The following SS18L1 variants were observed in gnomAD, a reference collection of about 807,000 sequenced individuals.
The protein encoded by SS18L1 is calcium-responsive transactivator.
In SS18L1, 32 loss-of-function variants were observed where a neutral mutation model predicts 70.3. The ratio of observed to expected loss-of-function variants is 0.46; its 90% CI spans 0.34 to 0.61. The LOEUF is 0.61. Among genes scored for constraint, SS18L1 ranks in the 20% least tolerant of loss-of-function variants. SS18L1 has a pLI of 0.01. For synonymous variants in SS18L1, 237 were observed against 229.7 expected, an observed-to-expected ratio of 1.03 and a Z score of -0.29; for missense variants, 430 against 542.1, an observed-to-expected ratio of 0.79 and a Z score of 2.05.
In SS18L1 at chr20:62,158,811, C is replaced by A; in HGVS notation, c.146+63C>A. The A allele has an allele frequency of 6.2e-7, 1 of 1,612,424 alleles. No individual in the cohort carries two copies. Among genetic ancestry groups the A allele is most frequent in the Non-Finnish European group, 8.5e-7 (1 of 1,179,686 alleles). ...TCATGCAGAGTCTAAGCACAGAGGC[C>A]AGATACGTCCCAAGAGTCCCCCAGC... On this transcript the variant is annotated intron_variant, in intron 2 of 10. Transcript: ENST00000331758. The surrounding 1 kb of genome is among the most constrained non-coding windows in gnomAD (Gnocchi z 4.5).
At chr20:62,156,968 G>A (rs1261365049) in intron 1 of SS18L1, among the ~76,000 whole-genome samples, 3 of 152,240 alleles carry the variant, frequency 2.0e-5, no homozygotes, top group African/African-American at 7.2e-5. Flanking sequence ...GGTGGGCTCA[G>A]TTCTGTGCCT....
Position 62,172,817 on chromosome 20 carries a change from G to A in SS18L1, c.1036+16G>A, listed in dbSNP as rs201763693. On this transcript the variant is annotated intron_variant, in intron 9 of 10. Transcript: ENST00000331758. ...CAGGGCTACGGTAAGAGGCGAGCAC[G>A]GTCCTCGGGGCCCCCCAGCGCCCAC... is the stretch of plus-strand genomic sequence containing the variant. The A allele has an allele frequency of 3.4e-5, 55 of 1,611,308 alleles. No homozygotes were observed. The highest frequency in any genetic ancestry group is 5.3e-5 in the African/African-American group (4 of 74,856).
chr20:62,149,169 G>A (rs1020613852), intron 1 of SS18L1, among the ~76,000 whole-genome samples: 3 of 152,228 alleles, frequency 2.0e-5, no homozygotes, highest in Admixed American at 6.5e-5. Flanking sequence ...CGTCCCCAGT[G>A]GATGCAGGAA....
Position 62,174,017 on chromosome 20 carries a change from T to TC in SS18L1, c.1037-500_1037-499insC, listed in dbSNP as rs144036504. ...TTGGGTGACAGAGTGACACCCTGCC[T>TC]AAAAAAAAAAAAAAAAATTGGCCTC... On this transcript the variant is annotated intron_variant, in intron 9 of 10. Coordinates refer to ENST00000331758, the MANE Select transcript of SS18L1 (RefSeq NM_198935.3). This position sits in a 1 kb window ranked among gnomAD's most constrained non-coding sequence, Gnocchi z 4.1. Among the ~76,000 whole-genome samples the TC allele has an allele frequency of 4.5e-5, 6 of 133,848 alleles. No homozygotes were observed. The highest frequency in any genetic ancestry group is 1.7e-4 in the African/African-American group (6 of 36,358). The allele number at this position is 133,848 out of a possible 152,430, so 87.8% of individuals were successfully genotyped here. A position where few individuals can be genotyped will look rare whatever the true frequency, so the allele number is the denominator to read the frequency against.
chr20:62,147,192 T>A (rs1258774846), intron 1 of SS18L1, among the ~76,000 whole-genome samples: 1 of 151,642 alleles, frequency 6.6e-6, no homozygotes, highest in Non-Finnish European at 1.5e-5. Context: ...GGACCTAAAG[T>A]GGAAGGGCAG....
chr20:62,145,354 C>T (rs552790255), intron 1 of SS18L1, among the ~76,000 whole-genome samples: 18 of 152,312 alleles, frequency 1.2e-4, no homozygotes, highest in African/African-American at 3.8e-4. Flanking sequence ...GTGGCACAGC[C>T]AGGTGTCGAT....
Position 62,167,049 on chromosome 20 carries a change from T to TTG in SS18L1, c.916+1536_916+1537insGT, listed in dbSNP as rs2057447755. Among the ~76,000 whole-genome samples the TTG allele has an allele frequency of 2.2e-5, 3 of 133,750 alleles. 1 individual carries two copies. The highest frequency in any genetic ancestry group is 8.9e-5 in the African/African-American group (3 of 33,690). The allele number at this position is 133,750 out of a possible 152,430, so 87.7% of individuals were successfully genotyped here. On this transcript the variant is annotated intron_variant, in intron 8 of 10. Coordinates refer to ENST00000331758, the MANE Select transcript of SS18L1 (RefSeq NM_198935.3). ...GAGCTCAGGAGTTTGTTTGTTTTTT[T>TTG]TTTTTTTTTTTTTTGAGACGGAGTC...
chr20:62,164,785 T>C (rs951114384), intron 7 of SS18L1, among the ~76,000 whole-genome samples: 3 of 152,148 alleles, frequency 2.0e-5, no homozygotes, highest in Non-Finnish European at 2.9e-5. Flanking sequence ...TTCCGGCACT[T>C]TGGGAGGCTG....
intron 10 of SS18L1, among the ~76,000 whole-genome samples, chr20:62,176,380 G>A (rs956928301): frequency 6.6e-6 from 1 of 152,164 alleles, no homozygotes; most frequent in African/African-American, 2.4e-5. Context: ...AGGCATGGTG[G>A]TGCATGCCTG....
chr20:62,146,605 AT>A (rs10673768), intron 1 of SS18L1, among the ~76,000 whole-genome samples: 3,157 of 79,498 alleles, frequency 0.04, 71 homozygotes, highest in Middle Eastern at 0.11. Flanking sequence ...TGCTTTGATC[AT>A]TTTTTTTTTT....
rs779708475 is a variant in SS18L1 at position 62,162,858 on chromosome 20, C to T, written c.483C>T (p.Gly161=). 5.6e-5 allele frequency: 90 copies of T among 1,612,818 alleles called. No individual in the cohort carries two copies. Among genetic ancestry groups the T allele is most frequent in the Non-Finnish European group, 7.6e-5 (90 of 1,179,972 alleles). ...GCCACGCGGGACCCGCCTCGCAGGGCGTCCCCATGCAGGGGCAAGGCACCA... is the reference window on the plus strand; with the variant it reads ...GCCACGCGGGACCCGCCTCGCAGGGTGTCCCCATGCAGGGGCAAGGCACCA... ...GYSHAGPASQ[G]VPMQGQGTIG... Residue 161 remains glycine, a synonymous_variant, in exon 5 of 11, where the codon GGC becomes GGT. Coordinates refer to ENST00000331758, the MANE Select transcript of SS18L1 (RefSeq NM_198935.3).
chr20:62,167,038 G>GTTGT (rs2057445231), intron 8 of SS18L1, among the ~76,000 whole-genome samples: 16 of 110,946 alleles, frequency 1.4e-4, no homozygotes, highest in African/African-American at 7.0e-4. Context: ...TCAGGAGTTT[G>GTTGT]TTTGTTTTTT....
At chr20:62,169,014 G>A (rs969928534) in intron 8 of SS18L1, among the ~76,000 whole-genome samples, 2 of 152,094 alleles carry the variant, frequency 1.3e-5, no homozygotes, top group African/African-American at 4.8e-5. Context: ...GACAGCGGGG[G>A]CCACGGGGTC....
At chr20:62,163,105 G>A (rs536976334) in intron 5 of SS18L1, among the ~76,000 whole-genome samples, 174 bp downstream of exon 5, 10 of 152,288 alleles carry the variant, frequency 6.6e-5, no homozygotes, top group African/African-American at 2.4e-4. Flanking sequence ...AGGGATGGGC[G>A]CCAGTGGGTG....
chr20:62,151,024 C>T (rs1302250551), intron 1 of SS18L1, among the ~76,000 whole-genome samples: 1 of 152,170 alleles, frequency 6.6e-6, no homozygotes, highest in East Asian at 1.9e-4. Context: ...GGTCTTCCTG[C>T]CCAGTGTGGG....
At chr20:62,146,994 C>T (rs983292639) in intron 1 of SS18L1, among the ~76,000 whole-genome samples, 8 of 152,106 alleles carry the variant, frequency 5.3e-5, no homozygotes, top group South Asian at 2.1e-4. Flanking sequence ...AGCATGACCC[C>T]GTCTTTATTT....
Position 62,162,947 on chromosome 20 carries a change from C to T in SS18L1, c.556+16C>T, listed in dbSNP as rs2057358059. The T allele has an allele frequency of 1.9e-6, 3 of 1,611,020 alleles. No homozygotes were observed. The highest frequency in any genetic ancestry group is 2.5e-6 in the Non-Finnish European group (3 of 1,179,140). ...TCCAACCCAGGTACCTACTCTGCCT[C>T]TGCAACCCCGGGGGGCCTGGGCCTG... On this transcript the variant is annotated intron_variant, in intron 5 of 10. Transcript: ENST00000331758.
At position 62,150,006 on chromosome 20, in the gene SS18L1, G is replaced by A. The variant is rs531095803; in HGVS notation, c.69+6117G>A. Among the ~76,000 whole-genome samples, 4 of 152,374 alleles carry A rather than the reference G, an allele frequency of 2.6e-5. No individual in the cohort carries two copies. The East Asian group carries it at 7.7e-4, about 29-fold the overall frequency. On this transcript the variant is annotated intron_variant, in intron 1 of 10. Transcript: ENST00000331758. ...AAGCGCCATGAGACTGGAAGTGATT[G>A]CCAAGGCACATGCAGAGGCGGCTGC... is the stretch of plus-strand genomic sequence containing the variant.
At position 62,162,695 on chromosome 20, in the gene SS18L1, C is replaced by T. The variant is rs990774394; in HGVS notation, c.377-57C>T. On this transcript the variant is annotated intron_variant, in intron 4 of 10. Transcript: ENST00000331758. ...AGGGAAATTGGGGTGTCTTCACCTT[C>T]AGAAGTGGTGACCTGGCTCCCCAGT... 288 of 1,547,346 alleles carry T rather than the reference C, an allele frequency of 1.9e-4. 1 individual carries two copies. The highest frequency in any genetic ancestry group is 1.9e-4 in the Non-Finnish European group (220 of 1,145,142).
Sources: gnomAD v4.1 joint callset for allele counts (sites outside exome capture counted in the v4.1 genomes callset) on GRCh38, gnomAD v4.1.1 for gene constraint, Gnocchi (gnomAD v3.1) non-coding constraint, MANE v1.5 for transcripts, NCBI Gene and HGNC (gene_info 2026-07-23, HGNC 2026-07-21) for gene names.